Variants in HSD17B2 observed in about 807,000 individuals in gnomAD.
The protein encoded by HSD17B2 is 17-beta-hydroxysteroid dehydrogenase type 2.
A neutral mutation model predicts 26.9 loss-of-function variants in HSD17B2; 32 were observed. That is an observed-to-expected ratio of 1.19 (90% CI 0.90 to 1.60). The LOEUF (loss-of-function observed/expected upper bound fraction) is 1.60. HSD17B2 is among the 40% of genes most tolerant of loss of function. The pLI is 0.00. For synonymous variants in HSD17B2, 246 were observed against 186.7 expected, an observed-to-expected ratio of 1.32 and a Z score of -2.59; for missense variants, 613 against 468.6, an observed-to-expected ratio of 1.31 and a Z score of -2.85.
chr16:82,080,462 A>G (rs1274899553), intron 3 of HSD17B2, among the ~76,000 whole-genome samples: 1 of 152,206 alleles, frequency 6.6e-6, no homozygotes, highest in Admixed American at 6.5e-5. Context: ...AGGGGCCAGA[A>G]ACCAAGGAAT....
intron 4 of HSD17B2, chr16:82,097,272 G>T (rs12933612): frequency 1.0e-5 from 1 of 97,474 alleles, no homozygotes; most frequent in Non-Finnish European, 2.6e-5. Flanking sequence ...ATGTCTATGT[G>T]TGTGTATGTG....
chr16:82,088,228 A>T (rs1904584162), intron 3 of HSD17B2, among the ~76,000 whole-genome samples: 2 of 152,198 alleles, frequency 1.3e-5, no homozygotes, highest in Admixed American at 6.5e-5. Flanking sequence ...AGGTGCACTT[A>T]TTACTCTAAG....
chr16:82,098,305 T>G lies in HSD17B2; in HGVS notation c.1033T>G (p.Tyr345Asp), dbSNP rs771999446. Residue 345 changes from tyrosine (Y) to aspartate (D), a missense_variant, in exon 5 of 5, where the codon TAC becomes GAC. Physicochemically the swap from Tyr to Asp is radical, Grantham distance 160. Coordinates refer to ENST00000199936, the MANE Select transcript of HSD17B2 (RefSeq NM_002153.3). ...CTATTACACGCCAGGGAAAGGCGCT[T>G]ACTTGTGGATCTGCCTTGCTCACTA... ...FAYYTPGKGAYLWICLAHYLP... is the reference protein window; with the variant it reads ...FAYYTPGKGADLWICLAHYLP... 1 of 1,614,194 alleles carries G rather than the reference T, an allele frequency of 6.2e-7. No homozygotes were observed. The highest frequency in any genetic ancestry group is 1.1e-5 in the South Asian group (1 of 91,080).
chr16:82,092,188 GC>G (rs1357109174), intron 4 of HSD17B2: 7 of 152,054 alleles, frequency 4.6e-5, no homozygotes, highest in African/African-American at 1.4e-4. Context: ...GCTGCCATTG[GC>G]CAAGAAGGTT....
chr16:82,035,353 C>G lies in HSD17B2; in HGVS notation c.-72C>G. On this transcript the variant is annotated 5_prime_UTR_variant, in exon 1 of 5. Transcript: ENST00000199936. ...TGACTCTCTGTTCACAGAACTCAGGCTGCCTCCAGCCAGCCTTTGCCCGCT... is the reference window on the plus strand; with the variant it reads ...TGACTCTCTGTTCACAGAACTCAGGGTGCCTCCAGCCAGCCTTTGCCCGCT... 1 of 1,481,136 alleles carries G rather than the reference C, an allele frequency of 6.8e-7. No homozygotes were observed. The highest frequency in any genetic ancestry group is 9.2e-7 in the Non-Finnish European group (1 of 1,086,020). The allele number at this position is 1,481,136 out of a possible 1,614,324, so 91.7% of individuals were successfully genotyped here. A position where few individuals can be genotyped will look rare whatever the true frequency, so the allele number is the denominator to read the frequency against.
chr16:82,065,214 A>C (rs920969274), intron 1 of HSD17B2, among the ~76,000 whole-genome samples: 1 of 152,228 alleles, frequency 6.6e-6, no homozygotes, highest in Non-Finnish European at 1.5e-5. Context: ...TTTGGGGAGC[A>C]GATGATGGAC....
In HSD17B2 at chr16:82,043,483, G is replaced by C. The variant is rs921959216; in HGVS notation, c.265+7794G>C. Among the ~76,000 whole-genome samples the C allele has an allele frequency of 3.5e-4, 50 of 144,064 alleles. 10 individuals are homozygous for C. Among genetic ancestry groups the C allele is most frequent in the African/African-American group, 1.4e-3 (46 of 33,884 alleles). The allele number at this position is 144,064 out of a possible 152,430, so 94.5% of individuals were successfully genotyped here. A position where few individuals can be genotyped will look rare whatever the true frequency, so the allele number is the denominator to read the frequency against. On this transcript the variant is annotated intron_variant, in intron 1 of 4. Transcript: ENST00000199936. ...GCGGATCACGAGGTCAGGAGATGGA[G>C]ACTATCCTGGCTAACACGGTGAAAC...
chr16:82,042,308 C>G (rs956829861), intron 1 of HSD17B2, among the ~76,000 whole-genome samples: 3 of 151,968 alleles, frequency 2.0e-5, no homozygotes, highest in African/African-American at 7.2e-5. Flanking sequence ...CCCAGCCTCC[C>G]ACAGTGCTAG....
rs78285470 is a variant in HSD17B2, at chr16:82,088,394, A to G, written c.665-2508A>G. Among the ~76,000 whole-genome samples, 1,022 of 152,336 alleles carry G rather than the reference A, an allele frequency of 6.7e-3. 13 individuals are homozygous for G. The highest frequency in any genetic ancestry group is 0.053 in the South Asian group (257 of 4,832). On this transcript the variant is annotated intron_variant, in intron 3 of 4. Transcript: ENST00000199936. ...AACTTTCGCAACGATCCTATGATGCATGGACCATCATTATTAATTTACAGA... is the reference window on the plus strand; with the variant it reads ...AACTTTCGCAACGATCCTATGATGCGTGGACCATCATTATTAATTTACAGA...
At chr16:82,090,642 T>G (rs1014516144) in intron 3 of HSD17B2, among the ~76,000 whole-genome samples, 1 of 151,904 alleles carries the variant, frequency 6.6e-6, no homozygotes, top group Admixed American at 6.6e-5. Flanking sequence ...TGCTTAGGAG[T>G]TGGACAAGAT....
At chr16:82,081,396 A>T (rs1904376690) in intron 3 of HSD17B2, among the ~76,000 whole-genome samples, 1 of 151,672 alleles carries the variant, frequency 6.6e-6, no homozygotes, top group Non-Finnish European at 1.5e-5. Context: ...CTTTCATTCT[A>T]CCCCAGGCTA....
At chr16:82,092,988 T>C (rs1904737754) in intron 4 of HSD17B2, 1 of 152,214 alleles carries the variant, frequency 6.6e-6, no homozygotes, top group Admixed American at 6.5e-5. Context: ...ATTTTGGAGA[T>C]TCAGTATAAT....
intron 1 of HSD17B2, among the ~76,000 whole-genome samples, chr16:82,054,966 AG>A (rs1377960203): frequency 1.3e-5 from 2 of 152,160 alleles, no homozygotes; most frequent in African/African-American, 4.8e-5. Context: ...TTAACATTTG[AG>A]GCCAGATGGT....
chr16:82,085,020 G>T (rs913186763), intron 3 of HSD17B2, among the ~76,000 whole-genome samples: 1 of 152,208 alleles, frequency 6.6e-6, no homozygotes, highest in Admixed American at 6.5e-5. Context: ...TACTGAGGCC[G>T]TCCCAAGCTA....
chr16:82,054,397 T>A (rs1267929726), intron 1 of HSD17B2, among the ~76,000 whole-genome samples: 1 of 151,516 alleles, frequency 6.6e-6, no homozygotes, highest in African/African-American at 2.4e-5. Context: ...CAGGCTGGAG[T>A]GTAGTGGTGT....
chr16:82,095,350 T>C (rs923089609), intron 4 of HSD17B2: 5 of 152,340 alleles, frequency 3.3e-5, no homozygotes, highest in African/African-American at 1.2e-4. Context: ...ATAAGTATAA[T>C]TGGATTTCAC....
chr16:82,093,393 C>T (rs1424654390), intron 4 of HSD17B2: 1 of 152,196 alleles, frequency 6.6e-6, no homozygotes, highest in Non-Finnish European at 1.5e-5. Context: ...GCTTCTTTCA[C>T]TCAATATTCT....
At chr16:82,064,880 A>G (rs1174066984) in intron 1 of HSD17B2, among the ~76,000 whole-genome samples, 1 of 152,198 alleles carries the variant, frequency 6.6e-6, no homozygotes, top group Non-Finnish European at 1.5e-5. Context: ...GCATGAAGGA[A>G]GACAGCCACC....
At chr16:82,087,772 C>A (rs1904569527) in intron 3 of HSD17B2, among the ~76,000 whole-genome samples, 1 of 152,116 alleles carries the variant, frequency 6.6e-6, no homozygotes, top group South Asian at 2.1e-4. Context: ...AAAGGGGTGG[C>A]ATCTTGTGAG....
Sources: allele counts gnomAD v4.1 joint callset (sites outside exome capture counted in the v4.1 genomes callset), GRCh38; gene constraint gnomAD v4.1.1; transcripts MANE v1.5; gene names NCBI Gene and HGNC (gene_info 2026-07-23, HGNC 2026-07-21).